Variants in MAP2 observed in about 807,000 individuals in gnomAD.
MAP2 encodes microtubule associated protein 2, also known as microtubule-associated protein 2.
MAP2 carries 14 observed loss-of-function variants against 137.6 expected under a neutral mutation model. The ratio of observed to expected loss-of-function variants is 0.10; its 90% CI spans 0.07 to 0.16. MAP2 has a LOEUF of 0.16. MAP2 is among the 10% of genes least tolerant of loss of function. MAP2 has a pLI of 1.00. For synonymous variants in MAP2, 786 were observed against 782.3 expected (o/e 1.00, Z -0.08); for missense variants, 2,088 against 2,191.5 (o/e 0.95, Z 0.94).
intron 3 of MAP2, among the ~76,000 whole-genome samples, chr2:209,606,827 G>C (rs1285245984): frequency 6.6e-6 from 1 of 152,128 alleles, no homozygotes; most frequent in East Asian, 1.9e-4. Context: ...AATAACCGCA[G>C]AAAGTCAAAA....
At chr2:209,434,531 T>A (rs1216652256) in intron 1 of MAP2, among the ~76,000 whole-genome samples, 4 of 151,808 alleles carry the variant, frequency 2.6e-5, no homozygotes, top group Non-Finnish European at 4.4e-5. Flanking sequence ...CTTCCAGACT[T>A]GCAGTTACTG....
intron 2 of MAP2, among the ~76,000 whole-genome samples, chr2:209,527,051 A>G (rs905418364): frequency 1.3e-5 from 2 of 152,078 alleles, no homozygotes; most frequent in Non-Finnish European, 2.9e-5. Context: ...CTGCACCCTC[A>G]CTATCTGGAG....
chr2:209,512,606 CAT>C (rs1257086780), intron 2 of MAP2, among the ~76,000 whole-genome samples: 1 of 148,252 alleles, frequency 6.7e-6, no homozygotes, highest in African/African-American at 2.5e-5. Context: ...CACACAAACA[CAT>C]ATATATATAA....
At chr2:209,430,058 A>G (rs1404690617) in intron 1 of MAP2, among the ~76,000 whole-genome samples, 1 of 151,568 alleles carries the variant, frequency 6.6e-6, no homozygotes, top group African/African-American at 2.4e-5. Context: ...TAGGCTGCCT[A>G]TTTTTTATTG....
At chr2:209,617,823 A>G (rs1170994845) in intron 3 of MAP2, among the ~76,000 whole-genome samples, 1 of 151,784 alleles carries the variant, frequency 6.6e-6, no homozygotes, top group East Asian at 1.9e-4. Flanking sequence ...GTATAAATTA[A>G]TAACTCTTCA....
intron 1 of MAP2, among the ~76,000 whole-genome samples, chr2:209,495,265 C>T (rs977548206): frequency 1.3e-5 from 2 of 152,212 alleles, no homozygotes; most frequent in African/African-American, 2.4e-5. Context: ...CAGCTTCAGC[C>T]GACTTAAACG....
intron 1 of MAP2, among the ~76,000 whole-genome samples, chr2:209,432,625 G>A (rs184483104): frequency 1.1e-4 from 17 of 152,246 alleles, no homozygotes; most frequent in East Asian, 5.8e-4. Flanking sequence ...AGAAAATTCC[G>A]TGTAATATGT....
Position 209,501,794 on chromosome 2 carries a change from GA to G in MAP2, c.-221-5788del, listed in dbSNP as rs200805648. ...ATAACTGGCTTGGTTGGAAAAAAAG[GA>G]AAAAAAAAAGTTCCAGGGAGTTATT... On this transcript the variant is annotated intron_variant, in intron 1 of 15. Transcript: ENST00000682079. Among the ~76,000 whole-genome samples the G allele has an allele frequency of 4.3e-3, 632 of 147,698 alleles. 3 individuals carry two copies. The highest frequency in any genetic ancestry group is 0.015 in the African/African-American group (587 of 40,310).
At chr2:209,627,176 G>A (rs1198946796) in intron 4 of MAP2, among the ~76,000 whole-genome samples, 1 of 151,940 alleles carries the variant, frequency 6.6e-6, no homozygotes, top group Non-Finnish European at 1.5e-5. Context: ...ACTTAAAAGT[G>A]AAATATCTTG....
rs370133321 is a variant in MAP2, at chr2:209,694,673, C to T, written c.2503C>T (p.Pro835Ser). The part of the protein sequence containing the change: ...DAEVARRKSV[P>S]SETVVEDSRT... ...TGAGGTTGCCAGGAGGAAATCAGTC[C>T]CATCAGAGACTGTGGTTGAGGATAG... Residue 835 changes from proline (P) to serine (S), a missense_variant, in exon 8 of 16, where the codon CCA becomes TCA. Pro to Ser is a moderately conservative substitution (Grantham distance 74). Coordinates refer to ENST00000682079, the MANE Select transcript of MAP2 (RefSeq NM_001375505.1). 10 of 1,613,944 alleles carry T rather than the reference C, an allele frequency of 6.2e-6. No individual in the cohort carries two copies. The highest frequency in any genetic ancestry group is 1.6e-4 in the Middle Eastern group (1 of 6,084).
At chr2:209,491,148 A>C (rs1455532942) in intron 1 of MAP2, among the ~76,000 whole-genome samples, 2 of 152,220 alleles carry the variant, frequency 1.3e-5, no homozygotes, top group Non-Finnish European at 2.9e-5. Context: ...AAACTCACTC[A>C]AAACTGCATA....
chr2:209,559,962 A>C (rs1435433161), intron 2 of MAP2, among the ~76,000 whole-genome samples: 2 of 152,238 alleles, frequency 1.3e-5, no homozygotes, highest in Admixed American at 1.3e-4. Context: ...CTATATTATC[A>C]TGACTATGAT....
At chr2:209,563,679 C>T (rs983030193) in intron 2 of MAP2, among the ~76,000 whole-genome samples, 3 of 152,228 alleles carry the variant, frequency 2.0e-5, no homozygotes, top group African/African-American at 7.2e-5. Flanking sequence ...ATGATATTAA[C>T]ATAGCCCCTT....
intron 2 of MAP2, among the ~76,000 whole-genome samples, chr2:209,536,778 T>G (rs967532944): frequency 5.3e-5 from 8 of 152,188 alleles, no homozygotes; most frequent in African/African-American, 1.9e-4. Context: ...TAGTATTTTT[T>G]TTCATAAACC....
chr2:209,433,462 A>T (rs1266049424), intron 1 of MAP2, among the ~76,000 whole-genome samples: 1 of 152,106 alleles, frequency 6.6e-6, no homozygotes, highest in Non-Finnish European at 1.5e-5. Flanking sequence ...TTAAGTCAGA[A>T]CAGAAGGCAG....
chr2:209,573,298 G>GGTTTTTTTTTTTTTTTTTTTT (rs770132978), intron 2 of MAP2, among the ~76,000 whole-genome samples: 25 of 120,058 alleles, frequency 2.1e-4, no homozygotes, highest in African/African-American at 8.3e-4. Context: ...TTCTTTTTCT[G>GGTTTTTTTTTTTTTTTTTTTT]TTTTTTTTTT....
chr2:209,681,043 T>C (rs1322285973), intron 7 of MAP2, among the ~76,000 whole-genome samples: 1 of 152,148 alleles, frequency 6.6e-6, no homozygotes, highest in Non-Finnish European at 1.5e-5. Context: ...AAAAGAAATC[T>C]GCTTGATTAA....
At chr2:209,484,552 T>C (rs1458060401) in intron 1 of MAP2, among the ~76,000 whole-genome samples, 2 of 152,128 alleles carry the variant, frequency 1.3e-5, no homozygotes, top group African/African-American at 4.8e-5. Context: ...TAGTCTGGCG[T>C]GGTTGCAGGC....
chr2:209,678,451 T>C (rs1203032306), intron 5 of MAP2, 121 bp from the exon 6 acceptor site: 1 of 418,528 alleles, frequency 2.4e-6, no homozygotes, highest in Non-Finnish European at 4.3e-6. Context: ...TAAAAAATTA[T>C]GTTGTACTTT....
Sources: gnomAD v4.1 joint callset for allele counts (sites outside exome capture counted in the v4.1 genomes callset) on GRCh38, gnomAD v4.1.1 for gene constraint, MANE v1.5 for transcripts, NCBI Gene and HGNC (gene_info 2026-07-23, HGNC 2026-07-21) for gene names.